SHB: variants seen among roughly 807,000 people sequenced by gnomAD.
The protein encoded by SHB is SH2 domain-containing adapter protein B.
In SHB, 20 loss-of-function variants were observed where a neutral mutation model predicts 52.3. The ratio of observed to expected loss-of-function variants is 0.38; its 90% CI spans 0.27 to 0.56. The LOEUF is 0.56. Ranked by LOEUF, SHB falls within the 20% of genes least tolerant of loss-of-function variation. The pLI, the probability that SHB is intolerant of heterozygous loss-of-function variation, is 0.71. For missense variants in SHB, 825 were observed against 723.3 expected, an observed-to-expected ratio of 1.14 and a Z score of -1.61; for synonymous variants, 397 against 316.5, an observed-to-expected ratio of 1.25 and a Z score of -2.70.
rs530391874 is a variant in SHB at position 38,028,123 on chromosome 9, C to T, written c.718-11992G>A. Among the ~76,000 whole-genome samples, 5 of 152,114 alleles carry T rather than the reference C, an allele frequency of 3.3e-5. No individual in the cohort carries two copies. The South Asian group carries it at 1.0e-3, about 32-fold the overall frequency. ...ACCCTCCCTAGTGCAGGCTGCCTCC[C>T]CTCCCAAAGCCCAAGTATCATTTTC... On this transcript the variant is annotated intron_variant, in intron 1 of 5. Transcript: ENST00000377707.
intron 1 of SHB, among the ~76,000 whole-genome samples, chr9:38,048,460 C>A (rs1440889512): frequency 2.6e-5 from 4 of 152,042 alleles, no homozygotes; most frequent in Non-Finnish European, 4.4e-5. Flanking sequence ...ACAGTGAGAG[C>A]CTGACTCTAC....
intron 2 of SHB, among the ~76,000 whole-genome samples, chr9:37,981,533 TCAA>T (rs1482295608): frequency 6.6e-6 from 1 of 151,466 alleles, no homozygotes; most frequent in African/African-American, 2.4e-5. Context: ...TGCTTTCTTT[TCAA>T]TTGTGTATTC....
chr9:38,031,269 C>A (rs184752252), intron 1 of SHB, among the ~76,000 whole-genome samples: 2 of 151,956 alleles, frequency 1.3e-5, no homozygotes, highest in Non-Finnish European at 2.9e-5. Context: ...TGCAGTGAGC[C>A]GAGATCTCGC....
At chr9:38,035,349 G>C (rs12350910) in intron 1 of SHB, among the ~76,000 whole-genome samples, 16,893 of 151,722 alleles carry the variant, frequency 0.11, 1,889 homozygotes, top group African/African-American at 0.28. Flanking sequence ...TGAGCACTTG[G>C]CAAGGAGGAC....
At chr9:38,053,760 G>T (rs1186194053) in intron 1 of SHB, among the ~76,000 whole-genome samples, 1 of 152,040 alleles carries the variant, frequency 6.6e-6, no homozygotes. Context: ...AAAGTTCAAA[G>T]CTGGACTGAG....
chr9:38,068,514 C>A lies in SHB; in HGVS notation c.132G>T (p.Val44=). Residue 44 remains valine, a synonymous_variant, in exon 1 of 6, where the codon GTG becomes GTT. Coordinates refer to ENST00000377707, the MANE Select transcript of SHB (RefSeq NM_003028.3). ...CCGAGGCGGCGGAGGAGGCCTGCGG[C>A]ACGGCCTGGGGGGGCTGCGAAGGCC... ...GERPSQPPQA[V]PQASSAASAS... is the part of the protein sequence containing the mutation. 1 of 1,483,580 alleles carries A rather than the reference C, an allele frequency of 6.7e-7. No individual in the cohort carries two copies. Among genetic ancestry groups the A allele is most frequent in the Non-Finnish European group, 8.9e-7 (1 of 1,124,344 alleles). The allele number at this position is 1,483,580 out of a possible 1,614,324, so 91.9% of individuals were successfully genotyped here. A position where few individuals can be genotyped will look rare whatever the true frequency, so the allele number is the denominator to read the frequency against.
intron 3 of SHB, among the ~76,000 whole-genome samples, chr9:37,973,808 G>A (rs1820621007): frequency 1.3e-5 from 2 of 152,278 alleles, no homozygotes; most frequent in South Asian, 4.1e-4. Context: ...GCGTGTGCAC[G>A]CTGAAACTGG....
At chr9:38,012,974 T>C (rs563361967) in intron 2 of SHB, among the ~76,000 whole-genome samples, 13 of 152,034 alleles carry the variant, frequency 8.6e-5, no homozygotes, top group African/African-American at 3.1e-4. Flanking sequence ...GCAAGCCTCC[T>C]GGAGCATCTA....
At chr9:37,973,612 C>T (rs975395278) in intron 3 of SHB, among the ~76,000 whole-genome samples, 2 of 152,206 alleles carry the variant, frequency 1.3e-5, no homozygotes, top group African/African-American at 4.8e-5. Flanking sequence ...ACTTATGATG[C>T]ACATGCCCAA....
At chr9:38,058,789 A>G (rs1821853760) in intron 1 of SHB, among the ~76,000 whole-genome samples, 1 of 152,042 alleles carries the variant, frequency 6.6e-6, no homozygotes, top group South Asian at 2.1e-4. Context: ...CTACTGCCTC[A>G]GGCTTCTGCA....
chr9:38,037,515 A>C (rs1821503777), intron 1 of SHB, among the ~76,000 whole-genome samples: 1 of 152,224 alleles, frequency 6.6e-6, no homozygotes, highest in African/African-American at 2.4e-5. Context: ...CTAGAGTGAA[A>C]TGTGGGTTGA....
Position 38,065,498 on chromosome 9 carries a change from G to A in SHB, c.717+2431C>T, listed in dbSNP as rs534232069. 7.2e-5 allele frequency among the ~76,000 whole-genome samples: 11 copies of A among 152,302 alleles called. No homozygotes were observed. The South Asian group carries it at 8.3e-4, about 11-fold the overall frequency. On this transcript the variant is annotated intron_variant, in intron 1 of 5. Transcript: ENST00000377707. ...AACACTCAGGTCCCCCACCAGGCAT[G>A]CTCAATCAGACGCTGCAGGATGGGC...
chr9:37,943,339 G>A (rs769549720), intron 5 of SHB, among the ~76,000 whole-genome samples: 1 of 152,128 alleles, frequency 6.6e-6, no homozygotes, highest in Non-Finnish European at 1.5e-5. Context: ...ATAGGTGTAA[G>A]TGTCTTCCTT....
chr9:38,012,580 G>T (rs563296159), intron 2 of SHB, among the ~76,000 whole-genome samples: 1 of 152,066 alleles, frequency 6.6e-6, no homozygotes, highest in South Asian at 2.1e-4. Flanking sequence ...CAGCCAGTTA[G>T]CAGCCCAAAG....
In SHB at chr9:38,068,721, G is replaced by C; in HGVS notation, c.-76C>G. 1 of 1,085,440 alleles carries C rather than the reference G, an allele frequency of 9.2e-7. No individual in the cohort carries two copies. Among genetic ancestry groups the C allele is most frequent in the African/African-American group, 1.7e-5 (1 of 60,184 alleles). 67.2% of individuals were successfully genotyped at this position (1,085,440 alleles called of 1,614,324 possible). On this transcript the variant is annotated 5_prime_UTR_variant, in exon 1 of 6. Transcript: ENST00000377707. ...GCCATTCGGGGGGCAGCGCTGCGGC[G>C]CAGGTCCCTCGGCGCCCCGGCCCCG... is the stretch of plus-strand genomic sequence containing the variant.
chr9:37,994,517 C>T (rs535196165), intron 2 of SHB, among the ~76,000 whole-genome samples: 45 of 152,356 alleles, frequency 3.0e-4, no homozygotes, highest in Admixed American at 1.0e-3. Flanking sequence ...CTGGCTCTGC[C>T]GCCTACCAGC....
At chr9:38,015,553 A>T in intron 2 of SHB, 2 of 691,558 alleles carry the variant, frequency 2.9e-6, no homozygotes, top group South Asian at 3.0e-5. Flanking sequence ...GCGGCCAGAA[A>T]TAATTTTGTC....
At chr9:38,011,939 G>T (rs1211748612) in intron 2 of SHB, among the ~76,000 whole-genome samples, 1 of 152,190 alleles carries the variant, frequency 6.6e-6, no homozygotes, top group Admixed American at 6.5e-5. Context: ...GTGAGGCCCA[G>T]ACAATTGGGC....
chr9:38,034,408 G>C (rs766360047), intron 1 of SHB, among the ~76,000 whole-genome samples: 2 of 152,210 alleles, frequency 1.3e-5, no homozygotes, highest in Non-Finnish European at 2.9e-5. Context: ...CCTCTACTCT[G>C]TACAACCAAA....
Sources: gnomAD v4.1 joint callset for allele counts (sites outside exome capture counted in the v4.1 genomes callset) on GRCh38, gnomAD v4.1.1 for gene constraint, MANE v1.5 for transcripts, NCBI Gene and HGNC (gene_info 2026-07-23, HGNC 2026-07-21) for gene names.